The following PEX5 variants were observed in gnomAD, a reference collection of about 807,000 sequenced individuals.
PEX5 encodes peroxisomal biogenesis factor 5.
A neutral mutation model predicts 82.9 loss-of-function variants in PEX5; 52 were observed. The ratio of observed to expected loss-of-function variants is 0.63; its 90% confidence interval spans 0.50 to 0.79. The LOEUF (loss-of-function observed/expected upper bound fraction) is 0.79, where lower values mean the gene tolerates loss of function less well. Among genes scored for constraint, PEX5 ranks in the 30% least tolerant of loss-of-function variants. The probability of loss-of-function intolerance (pLI) is 0.00; values close to 1 mark genes in which losing one functional copy is unlikely to be tolerated. For missense variants in PEX5, 719 were observed against 815.2 expected, an observed-to-expected ratio of 0.88 and a Z score of 1.44; for synonymous variants, 300 against 318.8, an observed-to-expected ratio of 0.94 and a Z score of 0.63.
In PEX5 at chr12:7,197,027, TTA is replaced by T. The variant is rs768385565; in HGVS notation, c.449-1978_449-1977del. 3.7e-4 allele frequency among the ~76,000 whole-genome samples: 13 copies of T among 35,188 alleles called. 5 individuals carry two copies. The highest frequency in any genetic ancestry group is 1.0e-3 in the African/African-American group (13 of 12,472). The allele number at this position is 35,188 out of a possible 152,430, so 23.1% of individuals were successfully genotyped here. On this transcript the variant is annotated intron_variant, in intron 5 of 15. Coordinates refer to ENST00000675855, the MANE Select transcript of PEX5 (RefSeq NM_001351132.2). ...ATTATATATGTCACATATAATGTAA[TTA>T]TATATGTCACATATAATGTAATTAT...
chr12:7,208,990 T>C lies in PEX5; in HGVS notation c.1395-15T>C. On this transcript the variant is annotated splice_polypyrimidine_tract_variant and intron_variant, in intron 13 of 15. Coordinates refer to ENST00000675855, the MANE Select transcript of PEX5 (RefSeq NM_001351132.2). The stretch of plus-strand genomic sequence containing the variant: ...ATTCATCTACCTACTTTGTGTTTTT[T>C]TCCTTTTCATCCAGCTCCCTGTTTC... 6.2e-7 allele frequency: 1 copy of C among 1,613,728 alleles called. No individual in the cohort carries two copies. The highest frequency in any genetic ancestry group is 2.2e-5 in the East Asian group (1 of 44,878).
intron 6 of PEX5, 71 bp downstream of exon 6, chr12:7,199,184 C>A: frequency 1.3e-6 from 1 of 751,892 alleles, no homozygotes; most frequent in Non-Finnish European, 2.3e-6. Flanking sequence ...CCTCCATCCA[C>A]GTTCTCGAAC....
Position 7,210,196 on chromosome 12 carries a change from C to CCTAA in PEX5, c.1897_1900dup (p.Met634AsnfsTer16). On this transcript the variant is annotated frameshift_variant, in exon 16 of 16. Transcript: ENST00000675855. LOFTEE classifies it high-confidence loss of function. ...CCGACGCGCGGGATCTGTCCACCCTCCTAACTATGTTTGGCCTGCCCCAGT... is the reference window on the plus strand; with the variant it reads ...CCGACGCGCGGGATCTGTCCACCCTCCTAACTAACTATGTTTGGCCTGCCCCAGT... 6.2e-7 allele frequency: 1 copy of CCTAA among 1,614,194 alleles called. No homozygotes were observed. The highest frequency in any genetic ancestry group is 8.5e-7 in the Non-Finnish European group (1 of 1,180,032).
intron 6 of PEX5, among the ~76,000 whole-genome samples, chr12:7,199,794 C>T (rs1943425882): frequency 6.6e-6 from 1 of 150,616 alleles, no homozygotes; most frequent in African/African-American, 2.4e-5. Flanking sequence ...GGCAGAGGCG[C>T]CCCTCACCTT....
chr12:7,213,579 G>A (rs1382766642), downstream of PEX5, among the ~76,000 whole-genome samples: 103 of 149,424 alleles, frequency 6.9e-4, no homozygotes, highest in Non-Finnish European at 1.3e-3. Context: ...ATCAATTCAA[G>A]ATGGATTAAA....
chr12:7,212,295 A>C (rs909477909), downstream of PEX5, among the ~76,000 whole-genome samples: 1 of 151,944 alleles, frequency 6.6e-6, no homozygotes, highest in Non-Finnish European at 1.5e-5. Flanking sequence ...AATTTATTTA[A>C]AAAGTTTTTC....
downstream of PEX5, chr12:7,212,782 T>TAAAC (rs1206675483): frequency 6.6e-6 from 1 of 152,132 alleles, no homozygotes; most frequent in Non-Finnish European, 1.5e-5. Flanking sequence ...AGGAGAAAAT[T>TAAAC]AAACACCTGG....
At chr12:7,206,712 AC>A (rs1591785689) in intron 10 of PEX5, among the ~76,000 whole-genome samples, 1 of 118,566 alleles carries the variant, frequency 8.4e-6, no homozygotes, top group African/African-American at 2.7e-5. Context: ...TATCATTTTC[AC>A]AATAATAATG....
chr12:7,200,612 G>A (rs1241660532), intron 6 of PEX5, among the ~76,000 whole-genome samples: 1 of 152,208 alleles, frequency 6.6e-6, no homozygotes, highest in Non-Finnish European at 1.5e-5. Flanking sequence ...TGAGCACTGA[G>A]TGAACGAGAC....
chr12:7,215,589 A>G (rs908625106), downstream of PEX5, among the ~76,000 whole-genome samples: 1 of 152,226 alleles, frequency 6.6e-6, no homozygotes, highest in African/African-American at 2.4e-5. Flanking sequence ...CGACCTTCGC[A>G]GCAGCATGGT....
At chr12:7,189,801 C>A in intron 1 of PEX5, 51 bp downstream of exon 1, 1 of 728,964 alleles carries the variant, frequency 1.4e-6, no homozygotes, top group East Asian at 3.4e-5. Flanking sequence ...GGGCCCTCCC[C>A]ACCCTTGCGG....
chr12:7,201,194 TAC>T (rs1219222453), intron 6 of PEX5, among the ~76,000 whole-genome samples: 1 of 149,290 alleles, frequency 6.7e-6, no homozygotes, highest in South Asian at 2.1e-4. Context: ...CACGCATACA[TAC>T]ACATACATGT....
intron 5 of PEX5, among the ~76,000 whole-genome samples, chr12:7,196,237 T>TTA (rs1173951144): frequency 3.0e-5 from 1 of 33,134 alleles, no homozygotes; most frequent in Admixed American, 5.0e-4. Flanking sequence ...TATAATTTAA[T>TTA]TATATGTCAT....
At chr12:7,201,637 C>T (rs1944058575) in intron 6 of PEX5, 114 bp from the exon 7 acceptor site, 3 of 796,356 alleles carry the variant, frequency 3.8e-6, no homozygotes, top group Non-Finnish European at 4.4e-6. Flanking sequence ...AGGTTCTCAA[C>T]AGGAGAATGG....
chr12:7,215,375 A>C (rs920051176), downstream of PEX5, among the ~76,000 whole-genome samples: 2 of 152,206 alleles, frequency 1.3e-5, no homozygotes, highest in African/African-American at 4.8e-5. Context: ...CATTTGACCA[A>C]GTAGTCCCAT....
At chr12:7,206,556 T>C (rs1287903936) in intron 10 of PEX5, among the ~76,000 whole-genome samples, 1 of 141,640 alleles carries the variant, frequency 7.1e-6, no homozygotes, top group South Asian at 2.3e-4. Context: ...AAATATACTT[T>C]CTATACATTT....
In PEX5 at chr12:7,197,467, A is replaced by ACAATGTAAT. The variant is rs1942926850; in HGVS notation, c.449-1544_449-1543insCAATGTAAT. Among the ~76,000 whole-genome samples, 13 of 143,050 alleles carry ACAATGTAAT rather than the reference A, an allele frequency of 9.1e-5. No individual in the cohort carries two copies. In the South Asian group the frequency reaches 1.1e-3, roughly 12 times the overall value. 93.8% of individuals were successfully genotyped at this position (143,050 alleles called of 152,430 possible). A position where few individuals can be genotyped will look rare whatever the true frequency, so the allele number is the denominator to read the frequency against. ...ATGTTATATATAATGTAATAATTAT[A>ACAATGTAAT]TATGTTATATATAATATAATAATTA... On this transcript the variant is annotated intron_variant, in intron 5 of 15. Transcript: ENST00000675855.
chr12:7,194,299 TTAG>T, intron 5 of PEX5, among the ~76,000 whole-genome samples: 1 of 152,292 alleles, frequency 6.6e-6, no homozygotes, highest in East Asian at 1.9e-4. Context: ...TTGGAAGTAC[TTAG>T]TTTCACTGGA....
intron 9 of PEX5, 68 bp from the exon 10 acceptor site, chr12:7,203,364 A>C: frequency 2.0e-6 from 3 of 1,536,856 alleles, no homozygotes; most frequent in Non-Finnish European, 1.8e-6. Flanking sequence ...GAATCCCAGC[A>C]GAGCTGAGTG....
Sources: allele counts gnomAD v4.1 joint callset (sites outside exome capture counted in the v4.1 genomes callset), GRCh38; gene constraint gnomAD v4.1.1; transcripts MANE v1.5; gene names NCBI Gene and HGNC (gene_info 2026-07-23, HGNC 2026-07-21).